Variants in CACNA1D observed in about 807,000 individuals in gnomAD.
The protein encoded by CACNA1D is voltage-dependent L-type calcium channel subunit alpha-1D.
A neutral mutation model predicts 257.1 loss-of-function variants in CACNA1D; 55 were observed. That is an observed-to-expected ratio of 0.21 (90% CI 0.17 to 0.27). The LOEUF (loss-of-function observed/expected upper bound fraction) is 0.27. CACNA1D is among the 10% of genes least tolerant of loss of function. The pLI is 1.00. For synonymous variants in CACNA1D, 980 were observed against 1,014.9 expected (o/e 0.97, Z 0.65); for missense variants, 1,876 against 2,784.0 (o/e 0.67, Z 7.34).
chr3:53,599,285 T>G (rs1226964539), intron 3 of CACNA1D, among the ~76,000 whole-genome samples: 1 of 152,222 alleles, frequency 6.6e-6, no homozygotes, highest in Non-Finnish European at 1.5e-5. Flanking sequence ...TTGGCTGTTT[T>G]CCTCTTTTAA....
rs10212382 is a variant in CACNA1D at position 53,664,620 on chromosome 3, T to A, written c.767-1040T>A. On this transcript the variant is annotated intron_variant, in intron 5 of 47. Coordinates refer to ENST00000350061, the MANE Select transcript of CACNA1D (RefSeq NM_001128840.3). ...TGTGCTTTTGGTACTCTGTTCTTCT[T>A]CCCTGAAGTTGCCTCTCTCCCATGC... Among the ~76,000 whole-genome samples the A allele has an allele frequency of 4.4e-3, 670 of 152,374 alleles. 2 individuals are homozygous for A. The highest frequency in any genetic ancestry group is 0.015 in the African/African-American group (639 of 41,598).
intron 3 of CACNA1D, among the ~76,000 whole-genome samples, chr3:53,616,638 T>C (rs1192115220): frequency 1.3e-5 from 2 of 152,180 alleles, no homozygotes; most frequent in Non-Finnish European, 2.9e-5. Flanking sequence ...TTCCCTGTTT[T>C]TGTTTTGTGT....
chr3:53,777,526 G>A (rs773306421), intron 37 of CACNA1D, among the ~76,000 whole-genome samples: 1 of 152,194 alleles, frequency 6.6e-6, no homozygotes, highest in Non-Finnish European at 1.5e-5. Context: ...AGGAGCAGTC[G>A]CTTGGAGATC....
intron 4 of CACNA1D, among the ~76,000 whole-genome samples, chr3:53,656,634 A>C (rs1306690841): frequency 6.6e-6 from 1 of 152,248 alleles, no homozygotes; most frequent in African/African-American, 2.4e-5. Context: ...ACAATGAAAA[A>C]GCAAGGCACA....
intron 3 of CACNA1D, among the ~76,000 whole-genome samples, chr3:53,632,600 C>T (rs1445188644): frequency 2.0e-5 from 3 of 152,254 alleles, no homozygotes; most frequent in Non-Finnish European, 4.4e-5. Context: ...GAACATGCCT[C>T]CCTCACTAAG....
At position 53,698,283 on chromosome 3, in the gene CACNA1D, G is replaced by C. The variant is rs142884820; in HGVS notation, c.1221-4358G>C. Among the ~76,000 whole-genome samples the C allele has an allele frequency of 8.5e-5, 13 of 152,288 alleles. No homozygotes were observed. In the East Asian group the frequency reaches 2.1e-3, roughly 25 times the overall value. On this transcript the variant is annotated intron_variant, in intron 8 of 47. Transcript: ENST00000350061. ...TCCACAGCGAGAACTCTGGCTCCCA[G>C]CAGCATTAGCACATGTACTCACTGG...
intron 3 of CACNA1D, among the ~76,000 whole-genome samples, chr3:53,540,290 T>A (rs2092263009): frequency 6.6e-6 from 1 of 151,556 alleles, no homozygotes; most frequent in African/African-American, 2.4e-5. Context: ...GGCTAATTTT[T>A]TTTTTTTTTT....
At position 53,746,069 on chromosome 3, in the gene CACNA1D, G is replaced by T. The variant is rs190882460; in HGVS notation, c.3167+194G>T. Among the ~76,000 whole-genome samples the T allele has an allele frequency of 6.6e-4, 101 of 152,272 alleles. 1 individual carries two copies. Among genetic ancestry groups the T allele is most frequent in the Admixed American group, 2.6e-3 (40 of 15,298 alleles). On this transcript the variant is annotated intron_variant, in intron 25 of 47. Coordinates refer to ENST00000350061, the MANE Select transcript of CACNA1D (RefSeq NM_001128840.3). ...TAACATCAACCATTTTCAGTATACAGTTCCTTAGCATATAGTATCCATGGC... is the reference window on the plus strand; with the variant it reads ...TAACATCAACCATTTTCAGTATACATTTCCTTAGCATATAGTATCCATGGC...
intron 3 of CACNA1D, among the ~76,000 whole-genome samples, chr3:53,550,400 G>T (rs569229631): frequency 1.3e-5 from 2 of 152,108 alleles, no homozygotes; most frequent in African/African-American, 2.4e-5. Flanking sequence ...GCACCATCTC[G>T]CAGCTTCTAG....
intron 8 of CACNA1D, chr3:53,679,330 T>G (rs2094407354): frequency 7.0e-6 from 1 of 141,886 alleles, no homozygotes; most frequent in Admixed American, 7.1e-5. Flanking sequence ...ATTCAACACT[T>G]TACCAGCATC....
intron 5 of CACNA1D, among the ~76,000 whole-genome samples, chr3:53,660,626 C>T (rs936902567): frequency 1.3e-5 from 2 of 152,030 alleles, no homozygotes; most frequent in African/African-American, 2.4e-5. Flanking sequence ...CCCAGGCCTG[C>T]CCCTCTGAAA....
At chr3:53,507,087 A>AC (rs1379466622) in intron 3 of CACNA1D, among the ~76,000 whole-genome samples, 2 of 151,098 alleles carry the variant, frequency 1.3e-5, no homozygotes, top group South Asian at 4.2e-4. Context: ...AAAAAAAAAA[A>AC]AAAAAACAAA....
At chr3:53,807,646 G>C (rs748703561) in intron 45 of CACNA1D, 2 of 152,426 alleles carry the variant, frequency 1.3e-5, no homozygotes, top group Non-Finnish European at 2.9e-5. Context: ...CCTGCAAGGG[G>C]TAGGAGGTTT....
chr3:53,663,085 T>C (rs921461666), intron 5 of CACNA1D, among the ~76,000 whole-genome samples: 1 of 152,202 alleles, frequency 6.6e-6, no homozygotes, highest in African/African-American at 2.4e-5. Flanking sequence ...CCCAGAGTTT[T>C]AGTTGTAATA....
At chr3:53,707,793 T>C (rs2094706240) in intron 9 of CACNA1D, among the ~76,000 whole-genome samples, 1 of 141,934 alleles carries the variant, frequency 7.0e-6, no homozygotes, top group African/African-American at 2.7e-5. Context: ...GTGATTAGTC[T>C]TAAAAAAAAA....
Position 53,714,846 on chromosome 3 carries a change from A to G in CACNA1D, c.1391-3455A>G, listed in dbSNP as rs560915734. On this transcript the variant is annotated intron_variant, in intron 9 of 47. Coordinates refer to ENST00000350061, the MANE Select transcript of CACNA1D (RefSeq NM_001128840.3). ...AAGCCCCTTCTGGTTCTAACAGTCT[A>G]TGATTCTTTTCTTTATTTTTTAAAA... 1.8e-4 allele frequency among the ~76,000 whole-genome samples: 27 copies of G among 152,344 alleles called. 1 individual carries two copies. The South Asian group carries it at 5.2e-3, about 29-fold the overall frequency.
chr3:53,674,763 T>C (rs1218066784), intron 8 of CACNA1D, among the ~76,000 whole-genome samples: 1 of 152,126 alleles, frequency 6.6e-6, no homozygotes, highest in Non-Finnish European at 1.5e-5. Context: ...ATTGCCGGGT[T>C]GTGGGGGGCA....
chr3:53,677,701 G>A (rs541484429), intron 8 of CACNA1D, among the ~76,000 whole-genome samples: 4 of 152,300 alleles, frequency 2.6e-5, no homozygotes, highest in South Asian at 2.1e-4. Context: ...AAAGTATTAC[G>A]CAGGTCTAAG....
At chr3:53,770,079 G>A in intron 31 of CACNA1D, 62 bp downstream of exon 31, 6 of 1,343,706 alleles carry the variant, frequency 4.5e-6, no homozygotes, top group Non-Finnish European at 6.4e-6. Flanking sequence ...TGACCATGTC[G>A]AGTTTTCCAC....
Sources: gnomAD v4.1 joint callset for allele counts (sites outside exome capture counted in the v4.1 genomes callset) on GRCh38, gnomAD v4.1.1 for gene constraint, MANE v1.5 for transcripts, NCBI Gene and HGNC (gene_info 2026-07-23, HGNC 2026-07-21) for gene names.